NAA16: variants seen among roughly 807,000 people sequenced by gnomAD.
NAA16 encodes the protein N-alpha-acetyltransferase 16, NatA auxiliary subunit, also known as NARG1-like protein.
A neutral mutation model predicts 110.3 loss-of-function variants in NAA16; 97 were observed. That is an observed-to-expected ratio of 0.88 (90% CI 0.75 to 1.04). The LOEUF (loss-of-function observed/expected upper bound fraction) is 1.04, where lower values mean the gene tolerates loss of function less well. Among genes scored for constraint, NAA16 ranks in the 50% least tolerant of loss-of-function variants. NAA16 has a pLI of 0.00. For synonymous variants in NAA16, 372 were observed against 330.6 expected, an observed-to-expected ratio of 1.13 and a Z score of -1.36; for missense variants, 1,017 against 1,005.1, an observed-to-expected ratio of 1.01 and a Z score of -0.16.
At chr13:41,330,675 A>G (rs1429280978) in intron 7 of NAA16, among the ~76,000 whole-genome samples, 2 of 152,098 alleles carry the variant, frequency 1.3e-5, no homozygotes, top group African/African-American at 4.8e-5. Context: ...ATGTGGTACT[A>G]TAAAATTAGG....
Position 41,375,325 on chromosome 13 carries a change from T to G in NAA16, c.2398-80T>G. On this transcript the variant is annotated intron_variant, in intron 19 of 19. Coordinates refer to ENST00000379406, the MANE Select transcript of NAA16 (RefSeq NM_024561.5). ...GAGGCAGCTTTCTCAATTTAACACA[T>G]TGCATCTTTTGATTAAAGTGGTTAT... 1.1e-5 allele frequency: 11 copies of G among 976,996 alleles called. No homozygotes were observed. In the South Asian group the frequency reaches 1.8e-4, roughly 16 times the overall value. 60.5% of individuals were successfully genotyped at this position (976,996 alleles called of 1,614,324 possible).
intron 9 of NAA16, among the ~76,000 whole-genome samples, chr13:41,336,962 T>G (rs894904801): frequency 6.6e-6 from 1 of 152,180 alleles, no homozygotes; most frequent in African/African-American, 2.4e-5. Flanking sequence ...TTATAAAGGT[T>G]GTTTATTTTT....
At position 41,311,429 on chromosome 13, in the gene NAA16, C is replaced by T; in HGVS notation, c.-100C>T. On this transcript the variant is annotated 5_prime_UTR_variant, in exon 1 of 20. Coordinates refer to ENST00000379406, the MANE Select transcript of NAA16 (RefSeq NM_024561.5). Reference sequence around the variant, plus strand: ...ATGAACTAATCCATCGCCCGCAGCCCGACTCTCAGCAGCGGTTCGTCCCGG... The same window carrying T: ...ATGAACTAATCCATCGCCCGCAGCCTGACTCTCAGCAGCGGTTCGTCCCGG... 8.6e-7 allele frequency: 1 copy of T among 1,166,468 alleles called. No homozygotes were observed. Among genetic ancestry groups the T allele is most frequent in the Non-Finnish European group, 1.2e-6 (1 of 807,958 alleles). The allele number at this position is 1,166,468 out of a possible 1,614,324, so 72.3% of individuals were successfully genotyped here.
At chr13:41,359,858 T>G (rs959726157) in intron 12 of NAA16, among the ~76,000 whole-genome samples, 6 of 152,172 alleles carry the variant, frequency 3.9e-5, no homozygotes, top group African/African-American at 1.4e-4. Flanking sequence ...AACCTTACAC[T>G]TATAGAAGAA....
At chr13:41,312,632 G>A (rs558825685) in intron 1 of NAA16, among the ~76,000 whole-genome samples, 1 of 152,136 alleles carries the variant, frequency 6.6e-6, no homozygotes, top group African/African-American at 2.4e-5. Context: ...TGGCTATATG[G>A]CTGTTAGTTG....
chr13:41,364,235 A>T (rs527629034), intron 13 of NAA16, among the ~76,000 whole-genome samples: 31 of 152,276 alleles, frequency 2.0e-4, no homozygotes, highest in African/African-American at 7.0e-4. Flanking sequence ...AAATAAGTTC[A>T]AATAAGGGTT....
intron 9 of NAA16, among the ~76,000 whole-genome samples, chr13:41,349,168 A>AT (rs1043167715): frequency 1.1e-4 from 17 of 149,616 alleles, no homozygotes; most frequent in African/African-American, 9.8e-5. Context: ...CTTTTTTCTA[A>AT]TTTTTTTTTC....
chr13:41,335,640 T>G (rs1387891735), intron 8 of NAA16, among the ~76,000 whole-genome samples: 1 of 152,234 alleles, frequency 6.6e-6, no homozygotes. Flanking sequence ...GATTAGAGAT[T>G]ATCTGAATAC....
intron 9 of NAA16, among the ~76,000 whole-genome samples, chr13:41,342,956 T>TAGAAGTATA (rs1458370232): frequency 7.2e-5 from 11 of 152,058 alleles, no homozygotes; most frequent in Non-Finnish European, 1.3e-4. Context: ...GAAGTAATTT[T>TAGAAGTATA]TCATCAAAAA....
chr13:41,376,799 T>C lies in NAA16; in HGVS notation c.*1197T>C, dbSNP rs530192745. 6.6e-6 allele frequency: 1 copy of C among 152,314 alleles called. No homozygotes were observed. The allele number at this position is 152,314 out of a possible 1,614,324, so 9.4% of individuals were successfully genotyped here. A position where few individuals can be genotyped will look rare whatever the true frequency, so the allele number is the denominator to read the frequency against. On this transcript the variant is annotated 3_prime_UTR_variant, in exon 20 of 20. Transcript: ENST00000379406. ...GTGGATAGCTTTTTGTTCTATCTTG[T>C]ACAGAAAACAGTAATGGAATCACTC...
At chr13:41,342,103 A>G (rs1038822833) in intron 9 of NAA16, among the ~76,000 whole-genome samples, 2 of 142,192 alleles carry the variant, frequency 1.4e-5, no homozygotes, top group Non-Finnish European at 3.0e-5. Context: ...AAGTGCAGGG[A>G]TTACAGGCGT....
Position 41,375,700 on chromosome 13 carries a change from T to A in NAA16, c.*98T>A. The A allele has an allele frequency of 1.1e-6, 1 of 915,036 alleles. No individual in the cohort carries two copies. Among genetic ancestry groups the A allele is most frequent in the Non-Finnish European group, 1.6e-6 (1 of 619,382 alleles). 56.7% of individuals were successfully genotyped at this position (915,036 alleles called of 1,614,324 possible). Reference sequence around the variant, plus strand: ...TTAATATACGTATGAAATGAAATATTTGGTTAGGATTTTTAAATGGCATAT... The same window carrying A: ...TTAATATACGTATGAAATGAAATATATGGTTAGGATTTTTAAATGGCATAT... On this transcript the variant is annotated 3_prime_UTR_variant, in exon 20 of 20. Coordinates refer to ENST00000379406, the MANE Select transcript of NAA16 (RefSeq NM_024561.5).
intron 7 of NAA16, 31 bp downstream of exon 7, chr13:41,328,874 A>G (rs367661958): frequency 3.2e-6 from 5 of 1,546,356 alleles, no homozygotes; most frequent in African/African-American, 1.4e-5. Context: ...TCTTTCTCAT[A>G]ACTACTGATT....
intron 15 of NAA16, among the ~76,000 whole-genome samples, chr13:41,370,521 C>T (rs1336412372): frequency 6.6e-6 from 1 of 152,100 alleles, no homozygotes; most frequent in Non-Finnish European, 1.5e-5. Flanking sequence ...ACCCCTGAGC[C>T]TTGAAGGGAA....
At chr13:41,358,219 TC>T in intron 10 of NAA16, 84 bp from the exon 11 acceptor site, 2 of 1,138,596 alleles carry the variant, frequency 1.8e-6, no homozygotes, top group Non-Finnish European at 2.5e-6. Context: ...ATTGCAATAG[TC>T]ATTTCATTAT....
intron 8 of NAA16, among the ~76,000 whole-genome samples, chr13:41,335,377 A>T (rs982578632): frequency 8.5e-5 from 13 of 152,198 alleles, no homozygotes; most frequent in Non-Finnish European, 1.5e-4. Context: ...TGGACAAGTT[A>T]TTTGCCCAAG....
intron 8 of NAA16, among the ~76,000 whole-genome samples, chr13:41,334,245 A>ATTTT (rs2042317999): frequency 6.6e-6 from 1 of 152,158 alleles, no homozygotes; most frequent in African/African-American, 2.4e-5. Context: ...TTTAGGTAAA[A>ATTTT]GGGCTTCATA....
chr13:41,329,176 T>C (rs546193226), intron 7 of NAA16, among the ~76,000 whole-genome samples: 1 of 152,122 alleles, frequency 6.6e-6, no homozygotes, highest in East Asian at 1.9e-4. Flanking sequence ...TTCTGGGAAG[T>C]GTTGTAACTA....
At chr13:41,365,200 G>A (rs2043186209) in intron 13 of NAA16, among the ~76,000 whole-genome samples, 1 of 152,110 alleles carries the variant, frequency 6.6e-6, no homozygotes, top group African/African-American at 2.4e-5. Context: ...TACAAATTTA[G>A]AGACTAAAAA....
Sources: gnomAD v4.1 joint callset for allele counts (sites outside exome capture counted in the v4.1 genomes callset) on GRCh38, gnomAD v4.1.1 for gene constraint, MANE v1.5 for transcripts, NCBI Gene and HGNC (gene_info 2026-07-23, HGNC 2026-07-21) for gene names.